Variants in FRAS1 observed in about 807,000 individuals in gnomAD.
FRAS1 encodes the protein extracellular matrix organizing protein FRAS1.
FRAS1 carries 290 observed loss-of-function variants against 435.2 expected under a neutral mutation model. The ratio of observed to expected loss-of-function variants is 0.67; its 90% CI spans 0.61 to 0.73. FRAS1 has a LOEUF of 0.73. FRAS1 is among the 30% of genes least tolerant of loss of function. FRAS1 has a pLI of 0.00. For synonymous variants in FRAS1, 1,800 were observed against 1,851.0 expected (o/e 0.97, Z 0.71); for missense variants, 4,860 against 5,001.5 (o/e 0.97, Z 0.85).
chr4:78,346,885 C>A (rs1299145753), intron 20 of FRAS1, among the ~76,000 whole-genome samples: 1 of 152,060 alleles, frequency 6.6e-6, no homozygotes, highest in Non-Finnish European at 1.5e-5. Context: ...CTTACAGATT[C>A]ATCTCCCTCC....
intron 9 of FRAS1, among the ~76,000 whole-genome samples, chr4:78,276,164 A>G (rs927070855): frequency 3.3e-5 from 5 of 152,164 alleles, no homozygotes; most frequent in African/African-American, 1.2e-4. Flanking sequence ...TTTCAGCTCC[A>G]TCAGGTCATT....
intron 31 of FRAS1, among the ~76,000 whole-genome samples, chr4:78,409,785 A>G (rs1016016902): frequency 3.9e-5 from 6 of 152,176 alleles, no homozygotes; most frequent in African/African-American, 1.4e-4. Context: ...TCAAAGTCTG[A>G]GTCTTTTCCT....
At position 78,446,872 on chromosome 4, in the gene FRAS1, C is replaced by T. The variant is rs778174997; in HGVS notation, c.6002C>T (p.Pro2001Leu). 4.2e-5 allele frequency: 67 copies of T among 1,608,238 alleles called. No homozygotes were observed. The highest frequency in any genetic ancestry group is 5.4e-5 in the Non-Finnish European group (63 of 1,177,312). ...CTCATTTTTGTATTGACAAAAAAGC[C>T]TGACCACGGTAGGGCACGAACTGCT... ...NELIFVLTKK[P>L]DHGHVLWRQT... The change falls in exon 43 of 74, where the codon CCT becomes CTT. Residue 2001 changes from proline to leucine, a missense_variant. Pro to Leu is a moderately conservative substitution (Grantham distance 98, BLOSUM62 -3). Transcript: ENST00000512123.
chr4:78,363,373 G>A, intron 20 of FRAS1, 140 bp from the exon 21 acceptor site: 1 of 782,744 alleles, frequency 1.3e-6, no homozygotes, highest in Non-Finnish European at 2.0e-6. Context: ...CTACTTTACT[G>A]ATATACACTG....
rs183712679 is a variant in FRAS1, at chr4:78,473,567, A to G, written c.7652A>G (p.Gln2551Arg). Residue 2551 changes from glutamine (Q) to arginine (R), a missense_variant, in exon 53 of 74, where the codon CAG (glutamine) becomes CGG (arginine). Physicochemically the swap from Gln to Arg is conservative, Grantham distance 43 (BLOSUM62 1). Transcript: ENST00000512123. ...NVVSDNVFHI[Q>R]WSLISFKYTS... ...GTCAGCGACAATGTCTTCCATATCC[A>G]GTGGTCACTCATCAGCTTTAAATAT... 1.1e-3 allele frequency: 1,820 copies of G among 1,609,782 alleles called. 34 individuals are homozygous for G. The Admixed American group carries it at 0.029, about 26-fold the overall frequency.
At position 78,342,226 on chromosome 4, in the gene FRAS1, C is replaced by G. The variant is rs140487367; in HGVS notation, c.2422+4409C>G. ...GTAGGGTTTCCTCTCAGGATGCATTCTCTATTTGACTTGGAGACCTCTTAA... is the reference window on the plus strand; with the variant it reads ...GTAGGGTTTCCTCTCAGGATGCATTGTCTATTTGACTTGGAGACCTCTTAA... On this transcript the variant is annotated intron_variant, in intron 20 of 73. Coordinates refer to ENST00000512123, the MANE Select transcript of FRAS1 (RefSeq NM_025074.7). Among the ~76,000 whole-genome samples, 689 of 152,260 alleles carry G rather than the reference C, an allele frequency of 4.5e-3. 18 individuals are homozygous for G. The highest frequency in any genetic ancestry group is 0.039 in the Admixed American group (593 of 15,302).
chr4:78,209,760 C>A (rs1723424849), intron 2 of FRAS1, among the ~76,000 whole-genome samples: 1 of 152,192 alleles, frequency 6.6e-6, no homozygotes. Flanking sequence ...GCAGCAGGAT[C>A]ATATTGAAAC....
chr4:78,540,829 T>C lies in FRAS1; in HGVS notation c.11744T>C (p.Leu3915Pro). 1 of 1,613,994 alleles carries C rather than the reference T, an allele frequency of 6.2e-7. No individual in the cohort carries two copies. The highest frequency in any genetic ancestry group is 8.5e-7 in the Non-Finnish European group (1 of 1,179,868). The change falls in exon 74 of 74, where the codon CTT becomes CCT. Residue 3915 changes from leucine to proline, a missense_variant. Transcript: ENST00000512123. ...GGCAGTGCCCTGGCTGCAATCATGCTTCTACTTCTGGTGTTTTTGGTGGCT... is the reference window on the plus strand; with the variant it reads ...GGCAGTGCCCTGGCTGCAATCATGCCTCTACTTCTGGTGTTTTTGGTGGCT... Reference protein sequence around the residue: ...SIGSALAAIMLLLLVFLVACF... With the variant: ...SIGSALAAIMPLLLVFLVACF...
chr4:78,517,000 G>A (rs1472927346), intron 66 of FRAS1, among the ~76,000 whole-genome samples: 2 of 152,194 alleles, frequency 1.3e-5, no homozygotes, highest in African/African-American at 2.4e-5. Context: ...AGTGAGACTA[G>A]GCTAATCTGT....
chr4:78,470,227 T>A, intron 51 of FRAS1, 136 bp downstream of exon 51: 1 of 623,700 alleles, frequency 1.6e-6, no homozygotes, highest in Non-Finnish European at 2.9e-6. Context: ...TTCCTGAGAT[T>A]AGTGAGCTCC....
intron 2 of FRAS1, among the ~76,000 whole-genome samples, chr4:78,159,146 T>C (rs1721024692): frequency 6.6e-6 from 1 of 152,198 alleles, no homozygotes; most frequent in African/African-American, 2.4e-5. Context: ...CCCTCCACCC[T>C]CTGAAGAAAG....
intron 14 of FRAS1, among the ~76,000 whole-genome samples, chr4:78,296,967 G>A (rs919883371): frequency 6.6e-6 from 1 of 152,074 alleles, no homozygotes; most frequent in Non-Finnish European, 1.5e-5. Flanking sequence ...GGAAACCAAG[G>A]AACAGTGAAG....
chr4:78,347,533 G>A (rs141432721), intron 20 of FRAS1, among the ~76,000 whole-genome samples: 93 of 152,206 alleles, frequency 6.1e-4, no homozygotes, highest in Non-Finnish European at 1.0e-3. Context: ...CTGAGTGAAC[G>A]TCCAAAGCTC....
At chr4:78,534,717 C>T in intron 71 of FRAS1, 102 bp downstream of exon 71, 1 of 1,090,058 alleles carries the variant, frequency 9.2e-7, no homozygotes, top group Non-Finnish European at 1.3e-6. Flanking sequence ...TCTCAGTCAC[C>T]ACCCCAGTAA....
chr4:78,341,970 C>T (rs193250884), intron 20 of FRAS1, among the ~76,000 whole-genome samples: 3 of 152,316 alleles, frequency 2.0e-5, no homozygotes, highest in Admixed American at 6.5e-5. Context: ...AGTATTGCCT[C>T]AGTCAGGTCA....
chr4:78,543,487 A>G lies in FRAS1; in HGVS notation c.*2363A>G, dbSNP rs1291233199. 1.3e-5 allele frequency: 2 copies of G among 152,312 alleles called. No individual in the cohort carries two copies. The highest frequency in any genetic ancestry group is 2.9e-5 in the Non-Finnish European group (2 of 68,092). The allele number at this position is 152,312 out of a possible 1,614,324, so 9.4% of individuals were successfully genotyped here. On this transcript the variant is annotated 3_prime_UTR_variant, in exon 74 of 74. Coordinates refer to ENST00000512123, the MANE Select transcript of FRAS1 (RefSeq NM_025074.7). The stretch of plus-strand genomic sequence containing the variant: ...AAAGACTGAGCCCCAGAGTGCTCCC[A>G]GCAACCGCCACGTACAAGGTCTGAA...
At chr4:78,137,410 C>G (rs1719968549) in intron 2 of FRAS1, among the ~76,000 whole-genome samples, 3 of 152,064 alleles carry the variant, frequency 2.0e-5, no homozygotes, top group African/African-American at 7.2e-5. Context: ...TATTTTTTCT[C>G]TTAGGCATAA....
At chr4:78,085,554 C>T (rs1458475188) in intron 2 of FRAS1, among the ~76,000 whole-genome samples, 1 of 152,062 alleles carries the variant, frequency 6.6e-6, no homozygotes, top group African/African-American at 2.4e-5. Flanking sequence ...TTCCCTGTGT[C>T]CTCAACCCTG....
intron 6 of FRAS1, among the ~76,000 whole-genome samples, chr4:78,256,609 A>C (rs971203306): frequency 4.1e-4 from 63 of 152,344 alleles, no homozygotes; most frequent in African/African-American, 1.3e-3. Flanking sequence ...GGAATAATTG[A>C]AAGTACTGTT....
Sources: allele counts gnomAD v4.1 joint callset (sites outside exome capture counted in the v4.1 genomes callset), GRCh38; gene constraint gnomAD v4.1.1; transcripts MANE v1.5; gene names NCBI Gene and HGNC (gene_info 2026-07-23, HGNC 2026-07-21).